The following SDHAF3 variants were observed in gnomAD, a reference collection of about 807,000 sequenced individuals.
SDHAF3 encodes succinate dehydrogenase complex assembly factor 3.
A neutral mutation model predicts 11.5 loss-of-function variants in SDHAF3; 18 were observed. The ratio of observed to expected loss-of-function variants is 1.56; its 90% CI spans 1.08 to 2.32. The LOEUF is 2.32. SDHAF3 is among the 30% of genes most tolerant of loss of function. SDHAF3 has a pLI of 0.00. For missense variants in SDHAF3, 200 were observed against 154.4 expected, an observed-to-expected ratio of 1.30 and a Z score of -1.57; for synonymous variants, 72 against 59.3, an observed-to-expected ratio of 1.21 and a Z score of -0.99.
intron 1 of SDHAF3, among the ~76,000 whole-genome samples, chr7:97,123,780 A>G (rs1372534304): frequency 1.4e-5 from 2 of 142,750 alleles, no homozygotes; most frequent in East Asian, 2.1e-4. Context: ...TGTTTACTGC[A>G]TAAATGTCTT....
Position 97,134,547 on chromosome 7 carries a change from T to G in SDHAF3, c.174+16650T>G, listed in dbSNP as rs1392180014. The stretch of plus-strand genomic sequence containing the variant: ...CTGCAACCTCCACCTCCCAGGTTCA[T>G]GTGATTCTCCTGCCTCAGCCCCCCA... On this transcript the variant is annotated intron_variant, in intron 1 of 1. Coordinates refer to ENST00000432641, the MANE Select transcript of SDHAF3 (RefSeq NM_020186.3). Among the ~76,000 whole-genome samples the G allele has an allele frequency of 3.3e-5, 5 of 152,164 alleles. No homozygotes were observed. In the East Asian group the frequency reaches 9.7e-4, roughly 29 times the overall value.
chr7:97,174,619 G>A (rs1483334623), intron 1 of SDHAF3, among the ~76,000 whole-genome samples: 1 of 152,094 alleles, frequency 6.6e-6, no homozygotes, highest in African/African-American at 2.4e-5. Flanking sequence ...AACTTTTGAA[G>A]GGTACTGATC....
Position 97,118,400 on chromosome 7 carries a change from T to G in SDHAF3, c.174+503T>G, listed in dbSNP as rs576265637. Among the ~76,000 whole-genome samples, 252 of 152,254 alleles carry G rather than the reference T, an allele frequency of 1.7e-3. 1 individual carries two copies. Among genetic ancestry groups the G allele is most frequent in the Non-Finnish European group, 2.8e-3 (191 of 68,006 alleles). On this transcript the variant is annotated intron_variant, in intron 1 of 1. Transcript: ENST00000432641. ...TAACATGAAAAAGATTACAAAAGGT[T>G]GGAGATTACAAACTGTGAAGGAGAA...
chr7:97,146,712 A>G (rs543237625), intron 1 of SDHAF3, among the ~76,000 whole-genome samples: 7 of 152,114 alleles, frequency 4.6e-5, no homozygotes, highest in Non-Finnish European at 1.0e-4. Flanking sequence ...ATTTTGCCCA[A>G]TGGAGGAGAT....
rs914180312 is a variant in SDHAF3 at position 97,135,929 on chromosome 7, C to T, written c.174+18032C>T. ...GTCTCGATCTCCTGACCTCGTGATC[C>T]GCCCGCCTCGGCCTCCCAAAGTGCT... On this transcript the variant is annotated intron_variant, in intron 1 of 1. Coordinates refer to ENST00000432641, the MANE Select transcript of SDHAF3 (RefSeq NM_020186.3). Among the ~76,000 whole-genome samples the T allele has an allele frequency of 8.6e-5, 13 of 151,740 alleles. 1 individual carries two copies. The East Asian group carries it at 1.6e-3, about 18-fold the overall frequency.
At chr7:97,119,079 T>C (rs1791452321) in intron 1 of SDHAF3, among the ~76,000 whole-genome samples, 1 of 152,218 alleles carries the variant, frequency 6.6e-6, no homozygotes, top group African/African-American at 2.4e-5. Context: ...ATAATTTTTC[T>C]AGTCTTATTT....
intron 1 of SDHAF3, among the ~76,000 whole-genome samples, chr7:97,120,788 G>A (rs922060839): frequency 6.6e-6 from 1 of 152,104 alleles, no homozygotes; most frequent in African/African-American, 2.4e-5. Context: ...GCAACGTTGG[G>A]TATAGTTGCC....
intron 1 of SDHAF3, among the ~76,000 whole-genome samples, chr7:97,141,177 C>G (rs539626267): frequency 1.2e-4 from 18 of 152,290 alleles, no homozygotes; most frequent in African/African-American, 3.9e-4. Flanking sequence ...GTTGTCTGCT[C>G]TCAAACACTG....
intron 1 of SDHAF3, among the ~76,000 whole-genome samples, chr7:97,166,211 A>T (rs1789502254): frequency 6.6e-6 from 1 of 152,232 alleles, no homozygotes; most frequent in Admixed American, 6.5e-5. Context: ...AGTTAAGGAC[A>T]TGCTCGTGAC....
chr7:97,171,484 G>C (rs891657818), intron 1 of SDHAF3, among the ~76,000 whole-genome samples: 9 of 152,034 alleles, frequency 5.9e-5, no homozygotes, highest in Non-Finnish European at 1.2e-4. Context: ...GATTGTGACA[G>C]CATTTTTATG....
At chr7:97,180,955 T>C in intron 1 of SDHAF3, 57 bp from the exon 2 acceptor site, 2 of 1,443,054 alleles carry the variant, frequency 1.4e-6, no homozygotes, top group Non-Finnish European at 1.9e-6. Context: ...TCAAGTCCTC[T>C]AATGTTAAAT....
intron 1 of SDHAF3, among the ~76,000 whole-genome samples, chr7:97,159,394 T>C (rs1365597963): frequency 6.6e-6 from 1 of 152,196 alleles, no homozygotes; most frequent in Non-Finnish European, 1.5e-5. Context: ...TCACCAGACT[T>C]TCCTCCCAAG....
chr7:97,120,062 C>CT (rs1327581511), intron 1 of SDHAF3, among the ~76,000 whole-genome samples: 1 of 152,090 alleles, frequency 6.6e-6, no homozygotes, highest in Non-Finnish European at 1.5e-5. Flanking sequence ...GGTAGGTACT[C>CT]TCAGGCTTTC....
intron 1 of SDHAF3, among the ~76,000 whole-genome samples, chr7:97,154,681 A>C (rs1322336616): frequency 6.6e-6 from 1 of 152,138 alleles, no homozygotes; most frequent in Admixed American, 6.5e-5. Context: ...TTTGGTGTCA[A>C]GTATAAGAAC....
intron 1 of SDHAF3, among the ~76,000 whole-genome samples, chr7:97,159,643 A>T (rs1425847294): frequency 2.6e-5 from 4 of 152,132 alleles, no homozygotes. Flanking sequence ...AGGCCTATTC[A>T]GTTCCCTCTG....
chr7:97,152,092 A>G (rs1363480580), intron 1 of SDHAF3, among the ~76,000 whole-genome samples: 2 of 152,194 alleles, frequency 1.3e-5, no homozygotes, highest in Non-Finnish European at 2.9e-5. Context: ...AGTATATAGT[A>G]TATTTTCACT....
intron 1 of SDHAF3, among the ~76,000 whole-genome samples, chr7:97,163,107 A>T (rs1172677762): frequency 6.8e-6 from 1 of 147,228 alleles, no homozygotes; most frequent in African/African-American, 2.5e-5. Context: ...TGCTGCATTG[A>T]TCCCTTTACC....
chr7:97,172,838 A>T (rs1480550986), intron 1 of SDHAF3, among the ~76,000 whole-genome samples: 1 of 152,230 alleles, frequency 6.6e-6, no homozygotes, highest in African/African-American at 2.4e-5. Context: ...TAAGATGTTT[A>T]AGAAATATTT....
chr7:97,167,320 T>A (rs1187694528), intron 1 of SDHAF3, among the ~76,000 whole-genome samples: 2 of 152,224 alleles, frequency 1.3e-5, no homozygotes, highest in Non-Finnish European at 2.9e-5. Flanking sequence ...AGGTGCTCGC[T>A]TTTTGTTCAT....
Sources: allele counts gnomAD v4.1 joint callset (sites outside exome capture counted in the v4.1 genomes callset), GRCh38; gene constraint gnomAD v4.1.1; transcripts MANE v1.5; gene names NCBI Gene and HGNC (gene_info 2026-07-23, HGNC 2026-07-21).